The following VRK2 variants were observed in gnomAD, a reference collection of about 807,000 sequenced individuals.
The protein encoded by VRK2 is serine/threonine-protein kinase VRK2.
VRK2 carries 60 observed loss-of-function variants against 57.6 expected under a neutral mutation model. The observed-to-expected ratio is 1.04, with a 90% confidence interval of 0.85 to 1.29. The LOEUF is 1.29. Ranked by LOEUF, VRK2 falls within the 50% of genes most tolerant of loss-of-function variation. VRK2 has a pLI of 0.00. For synonymous variants in VRK2, 231 were observed against 199.2 expected (o/e 1.16, Z -1.35); for missense variants, 705 against 588.1 (o/e 1.20, Z -2.06).
chr2:58,139,684 T>TG lies in VRK2; in HGVS notation c.877dup (p.Val293GlyfsTer5). The TG allele has an allele frequency of 6.2e-7, 1 of 1,610,182 alleles. No individual in the cohort carries two copies. Among genetic ancestry groups the TG allele is most frequent in the Admixed American group, 1.7e-5 (1 of 59,116 alleles). Reference sequence around the variant, plus strand: ...TTCACAGGTGAAATAGCCCAATTTTTGGTATGTGCTCATAGTTTAGCATAT... The same window carrying TG: ...TTCACAGGTGAAATAGCCCAATTTTTGGGTATGTGCTCATAGTTTAGCATAT... On this transcript the variant is annotated frameshift_variant, in exon 11 of 13. Coordinates refer to ENST00000340157, the MANE Select transcript of VRK2 (RefSeq NM_006296.7). LOFTEE classifies it high-confidence loss of function.
At chr2:57,954,333 G>A (rs988386157) in intron 1 of VRK2, among the ~76,000 whole-genome samples, 3 of 152,014 alleles carry the variant, frequency 2.0e-5, no homozygotes, top group Non-Finnish European at 4.4e-5. Context: ...GAAATTGTAT[G>A]CAAGAAGAAG....
At chr2:58,088,764 A>G (rs1032601690) in intron 6 of VRK2, among the ~76,000 whole-genome samples, 1 of 152,218 alleles carries the variant, frequency 6.6e-6, no homozygotes, top group Non-Finnish European at 1.5e-5. Context: ...AGTTATAACA[A>G]TGCAAATTAT....
At chr2:58,158,194 T>C (rs187252559) in intron 12 of VRK2, among the ~76,000 whole-genome samples, 1 of 152,332 alleles carries the variant, frequency 6.6e-6, no homozygotes, top group Admixed American at 6.5e-5. Flanking sequence ...GCATAATTAT[T>C]ATTTGTATTA....
intron 1 of VRK2, among the ~76,000 whole-genome samples, chr2:57,953,448 T>C (rs543144570): frequency 6.6e-6 from 1 of 152,300 alleles, no homozygotes; most frequent in South Asian, 2.1e-4. Context: ...AACTAGGTAG[T>C]TCCAGTAATT....
At chr2:57,943,264 G>T (rs1398123981) in intron 1 of VRK2, among the ~76,000 whole-genome samples, 1 of 152,156 alleles carries the variant, frequency 6.6e-6, no homozygotes, top group Non-Finnish European at 1.5e-5. Context: ...ACATGTCTAA[G>T]AAGAAAAATT....
chr2:57,998,296 A>G (rs891142525), intron 1 of VRK2, among the ~76,000 whole-genome samples: 1 of 152,228 alleles, frequency 6.6e-6, no homozygotes, highest in African/African-American at 2.4e-5. Flanking sequence ...CTATGCTACT[A>G]TTCTCTTTAA....
intron 10 of VRK2, among the ~76,000 whole-genome samples, chr2:58,137,238 A>G (rs374816039): frequency 0.03 from 2,048 of 68,206 alleles, 192 homozygotes; most frequent in African/African-American, 0.08. Flanking sequence ...TGATACATAT[A>G]TATCATATAT....
At chr2:58,143,504 C>T (rs185889635) in intron 11 of VRK2, among the ~76,000 whole-genome samples, 5 of 152,050 alleles carry the variant, frequency 3.3e-5, no homozygotes, top group East Asian at 1.9e-4. Flanking sequence ...GAAGTGCCCA[C>T]GGCAGTGCAG....
At position 57,920,426 on chromosome 2, in the gene VRK2, G is replaced by T. The variant is rs1461095433; in HGVS notation, c.-439+12587G>T. The stretch of plus-strand genomic sequence containing the variant: ...TCCTCACGATCAATTGATTTCACAG[G>T]ATATTTTACTCAATGGGCTCAGTTA... On this transcript the variant is annotated intron_variant, in intron 1 of 15. Coordinates refer to the VRK2 transcript ENST00000417641. 5.3e-5 allele frequency among the ~76,000 whole-genome samples: 8 copies of T among 152,134 alleles called. No homozygotes were observed. The South Asian group carries it at 1.0e-3, about 20-fold the overall frequency.
intron 11 of VRK2, among the ~76,000 whole-genome samples, chr2:58,143,743 A>G (rs1681683932): frequency 6.6e-6 from 1 of 151,918 alleles, no homozygotes; most frequent in Non-Finnish European, 1.5e-5. Context: ...ATCCAAGGGA[A>G]ATAAAACCAG....
intron 8 of VRK2, among the ~76,000 whole-genome samples, chr2:58,124,950 A>G (rs1678091054): frequency 6.6e-6 from 1 of 152,190 alleles, no homozygotes; most frequent in Admixed American, 6.5e-5. Context: ...GAATTTAAAG[A>G]TAATATGGGA....
At chr2:58,045,494 C>A (rs1397651176), upstream of VRK2, among the ~76,000 whole-genome samples, 1 of 152,178 alleles carries the variant, frequency 6.6e-6, no homozygotes, top group East Asian at 1.9e-4. Flanking sequence ...ACATAAATAT[C>A]TGTAATTATG....
At chr2:57,965,815 T>C (rs139993074) in intron 1 of VRK2, among the ~76,000 whole-genome samples, 1 of 152,270 alleles carries the variant, frequency 6.6e-6, no homozygotes, top group South Asian at 2.1e-4. Flanking sequence ...CCTGTCAGCA[T>C]TGTGACCAGC....
chr2:58,110,833 T>C (rs1026952432), intron 7 of VRK2, among the ~76,000 whole-genome samples: 2 of 152,092 alleles, frequency 1.3e-5, no homozygotes, highest in African/African-American at 4.8e-5. Context: ...CAGTGCCCAC[T>C]CCCGACATTG....
chr2:58,139,583 G>T, intron 10 of VRK2, 83 bp from the exon 11 acceptor site: 1 of 1,234,954 alleles, frequency 8.1e-7, no homozygotes. Context: ...AAAAGACAAA[G>T]ATAACAAAGA....
At chr2:58,091,697 A>G (rs1672399517) in intron 7 of VRK2, among the ~76,000 whole-genome samples, 1 of 152,056 alleles carries the variant, frequency 6.6e-6, no homozygotes, top group South Asian at 2.1e-4. Context: ...CCGGTACTAA[A>G]AAAAAAATTA....
chr2:58,098,838 T>C (rs1249608119), intron 7 of VRK2, among the ~76,000 whole-genome samples: 1 of 152,094 alleles, frequency 6.6e-6, no homozygotes, highest in African/African-American at 2.4e-5. Flanking sequence ...TTTAACTAAC[T>C]TTTTGGTCAT....
intron 12 of VRK2, among the ~76,000 whole-genome samples, chr2:58,156,409 T>G (rs987093573): frequency 1.2e-4 from 18 of 152,208 alleles, no homozygotes; most frequent in Non-Finnish European, 5.9e-5. Flanking sequence ...GTCTTCAAAT[T>G]GGAAAGGTTT....
chr2:57,997,325 G>A (rs1672955511), intron 1 of VRK2, among the ~76,000 whole-genome samples: 1 of 151,882 alleles, frequency 6.6e-6, no homozygotes, highest in African/African-American at 2.4e-5. Flanking sequence ...ACCAATATTG[G>A]AGATGCCAAG....
Sources: gnomAD v4.1 joint callset for allele counts (sites outside exome capture counted in the v4.1 genomes callset) on GRCh38, gnomAD v4.1.1 for gene constraint, MANE v1.5 for transcripts, NCBI Gene and HGNC (gene_info 2026-07-23, HGNC 2026-07-21) for gene names.